The following CNTNAP4 variants were observed in gnomAD, a reference collection of about 807,000 sequenced individuals.
CNTNAP4 encodes the protein contactin-associated protein-like 4.
Under a neutral mutation model 148.4 loss-of-function variants are expected in CNTNAP4, and 98 were observed. That is an observed-to-expected ratio of 0.66 (90% CI 0.56 to 0.78). The LOEUF is 0.78. CNTNAP4 is among the 30% of genes least tolerant of loss of function. The probability of loss-of-function intolerance (pLI) is 0.00; values close to 1 mark genes in which losing one functional copy is unlikely to be tolerated. For missense variants in CNTNAP4, 1,935 were observed against 1,565.6 expected, an observed-to-expected ratio of 1.24 and a Z score of -3.98; for synonymous variants, 730 against 565.1, an observed-to-expected ratio of 1.29 and a Z score of -4.14.
intron 1 of CNTNAP4, among the ~76,000 whole-genome samples, chr16:76,284,133 A>G (rs1433860882): frequency 4.6e-5 from 7 of 151,934 alleles, no homozygotes; most frequent in Admixed American, 3.9e-4. Context: ...TTGAAATTAT[A>G]TTTTTCAAAT....
At chr16:76,557,930 A>C (rs1334420597) in intron 23 of CNTNAP4, 1 of 152,230 alleles carries the variant, frequency 6.6e-6, no homozygotes, top group Non-Finnish European at 1.5e-5. Context: ...CAGTACTTAG[A>C]ATTTGTATTT....
rs752243068 is a variant in CNTNAP4, at chr16:76,521,998, T to G, written c.2537-41T>G. On this transcript the variant is annotated intron_variant, in intron 16 of 23. Coordinates refer to ENST00000611870, the MANE Select transcript of CNTNAP4 (RefSeq NM_033401.5). ...ATATTGGAGACTCGGCACTTCGCCA[T>G]AGGAACTCACTAGAACAATCTTTAT... The G allele has an allele frequency of 3.2e-6, 5 of 1,586,156 alleles. No individual in the cohort carries two copies. In the East Asian group the frequency reaches 1.1e-4, roughly 35 times the overall value.
At chr16:76,533,148 A>T (rs1216485326) in intron 17 of CNTNAP4, among the ~76,000 whole-genome samples, 2 of 152,198 alleles carry the variant, frequency 1.3e-5, no homozygotes, top group Admixed American at 1.3e-4. Context: ...ATGGAATACA[A>T]TTCAGGCATA....
At chr16:76,541,290 C>A (rs905469630) in intron 21 of CNTNAP4, among the ~76,000 whole-genome samples, 1 of 152,194 alleles carries the variant, frequency 6.6e-6, no homozygotes, top group Middle Eastern at 3.2e-3. Flanking sequence ...TGCTCAGATG[C>A]AATCTAAATG....
intron 3 of CNTNAP4, among the ~76,000 whole-genome samples, chr16:76,406,627 A>G (rs1357402313): frequency 4.6e-5 from 7 of 152,180 alleles, no homozygotes; most frequent in Non-Finnish European, 8.8e-5. Flanking sequence ...CAGTGAACAC[A>G]TGAATGATAA....
intron 3 of CNTNAP4, among the ~76,000 whole-genome samples, chr16:76,400,157 A>T (rs2078357664): frequency 6.6e-6 from 1 of 152,166 alleles, no homozygotes. Flanking sequence ...TATGTTATAG[A>T]TGAAGGAGCC....
intron 1 of CNTNAP4, among the ~76,000 whole-genome samples, chr16:76,301,403 A>C (rs1028659183): frequency 1.3e-5 from 2 of 152,198 alleles, no homozygotes; most frequent in African/African-American, 4.8e-5. Context: ...GGGATATGCA[A>C]ATGAATTGAA....
intron 1 of CNTNAP4, among the ~76,000 whole-genome samples, chr16:76,284,439 T>A (rs145276669): frequency 4.6e-5 from 7 of 152,044 alleles, no homozygotes; most frequent in African/African-American, 1.7e-4. Context: ...CCAAACCTCA[T>A]GCAGACAAAA....
At chr16:76,400,726 G>A (rs1320287826) in intron 3 of CNTNAP4, among the ~76,000 whole-genome samples, 1 of 152,266 alleles carries the variant, frequency 6.6e-6, no homozygotes. Context: ...TATGGTGTAA[G>A]GAAGGGGTCC....
intron 1 of CNTNAP4, among the ~76,000 whole-genome samples, chr16:76,289,942 A>T (rs1178850791): frequency 6.6e-6 from 1 of 152,112 alleles, no homozygotes; most frequent in Non-Finnish European, 1.5e-5. Flanking sequence ...TTGTATTTAG[A>T]TTCTGCTCAC....
At chr16:76,372,616 C>T (rs1248213969) in intron 3 of CNTNAP4, among the ~76,000 whole-genome samples, 5 of 152,138 alleles carry the variant, frequency 3.3e-5, no homozygotes, top group Admixed American at 1.3e-4. Flanking sequence ...TTTCCCCTTT[C>T]GCTTGGCTCT....
intron 3 of CNTNAP4, among the ~76,000 whole-genome samples, chr16:76,372,850 A>G (rs2014995957): frequency 6.6e-6 from 1 of 152,270 alleles, no homozygotes; most frequent in Non-Finnish European, 1.5e-5. Context: ...TAAAATGCAT[A>G]CTATGTATAT....
intron 17 of CNTNAP4, among the ~76,000 whole-genome samples, chr16:76,530,061 A>T (rs1195909241): frequency 1.3e-5 from 2 of 152,104 alleles, no homozygotes; most frequent in Non-Finnish European, 2.9e-5. Context: ...AAAAAACTTC[A>T]TAAGAATTCT....
Position 76,383,828 on chromosome 16 carries a change from G to C in CNTNAP4, c.390+28317G>C, listed in dbSNP as rs138648541. Among the ~76,000 whole-genome samples the C allele has an allele frequency of 8.6e-3, 1,312 of 152,188 alleles. 22 individuals are homozygous for C. Among genetic ancestry groups the C allele is most frequent in the African/African-American group, 0.03 (1,245 of 41,504 alleles). On this transcript the variant is annotated intron_variant, in intron 3 of 23. Transcript: ENST00000611870. ...AGATGATAAACTTGGAGGGGACATG[G>C]GTGTAGGCGAAATAAAATTGGTCCT...
intron 13 of CNTNAP4, among the ~76,000 whole-genome samples, chr16:76,494,548 T>C (rs534386802): frequency 1.1e-4 from 16 of 152,284 alleles, no homozygotes; most frequent in African/African-American, 3.4e-4. Context: ...GTATGTTAAT[T>C]ACTATGATTT....
At chr16:76,551,385 G>A (rs2084944947) in intron 21 of CNTNAP4, among the ~76,000 whole-genome samples, 1 of 131,932 alleles carries the variant, frequency 7.6e-6, no homozygotes, top group Non-Finnish European at 1.6e-5. Context: ...GTGACAGAGT[G>A]AGAGTCTGTT....
In CNTNAP4 at chr16:76,472,998, G is replaced by T. The variant is rs552206209; in HGVS notation, c.1656-2941G>T. Among the ~76,000 whole-genome samples, 3 of 152,208 alleles carry T rather than the reference G, an allele frequency of 2.0e-5. No homozygotes were observed. The East Asian group carries it at 5.8e-4, about 29-fold the overall frequency. On this transcript the variant is annotated intron_variant, in intron 10 of 23. Coordinates refer to ENST00000611870, the MANE Select transcript of CNTNAP4 (RefSeq NM_033401.5). ...AAAAGACATAAGTATACTCCGTGAG[G>T]GGGGCAGAGGGGGGAAGCCTTCTCT...
intron 12 of CNTNAP4, among the ~76,000 whole-genome samples, chr16:76,487,578 A>C (rs139177642): frequency 1.3e-5 from 2 of 152,210 alleles, no homozygotes; most frequent in African/African-American, 4.8e-5. Context: ...AATGAAGCAC[A>C]TGAGGTTTGG....
chr16:76,409,003 C>G (rs2078700489), intron 3 of CNTNAP4, among the ~76,000 whole-genome samples: 1 of 151,924 alleles, frequency 6.6e-6, no homozygotes, highest in Admixed American at 6.6e-5. Flanking sequence ...CACAATGAGT[C>G]ATTATGTCTG....
Sources: allele counts gnomAD v4.1 joint callset (sites outside exome capture counted in the v4.1 genomes callset), GRCh38; gene constraint gnomAD v4.1.1; transcripts MANE v1.5; gene names NCBI Gene and HGNC (gene_info 2026-07-23, HGNC 2026-07-21).